Variants in DLGAP1 observed in about 807,000 individuals in gnomAD.
DLGAP1 encodes disks large-associated protein 1.
In DLGAP1, 11 loss-of-function variants were observed where a neutral mutation model predicts 90.8. The observed-to-expected ratio is 0.12, with a 90% CI of 0.08 to 0.20. DLGAP1 has a LOEUF of 0.20. Ranked by LOEUF, DLGAP1 falls within the 10% of genes least tolerant of loss-of-function variation. The pLI, the probability that DLGAP1 is intolerant of heterozygous loss-of-function variation, is 1.00. For missense variants in DLGAP1, 1,050 were observed against 1,333.8 expected (o/e 0.79, Z 3.31); for synonymous variants, 558 against 540.7 (o/e 1.03, Z -0.44).
At chr18:4,054,916 C>CCTAAATATGATT (rs2075190722) in intron 2 of DLGAP1, among the ~76,000 whole-genome samples, 1 of 152,090 alleles carries the variant, frequency 6.6e-6, no homozygotes, top group Non-Finnish European at 1.5e-5. Flanking sequence ...GAGGCAAGCA[C>CCTAAATATGATT]CAAAACTTTG....
chr18:3,656,003 C>T (rs1332199833), intron 7 of DLGAP1: 39 of 1,356,708 alleles, frequency 2.9e-5, no homozygotes, highest in Non-Finnish European at 3.3e-5. Flanking sequence ...AACACCACTG[C>T]CACAGAAGCT....
chr18:3,703,575 G>C (rs1237888464), intron 7 of DLGAP1, among the ~76,000 whole-genome samples: 3 of 152,156 alleles, frequency 2.0e-5, no homozygotes, highest in Admixed American at 2.0e-4. Context: ...TTGTCCACTT[G>C]TTTCTTTTTA....
chr18:3,948,949 T>C (rs1408840727), intron 3 of DLGAP1, among the ~76,000 whole-genome samples: 1 of 151,978 alleles, frequency 6.6e-6, no homozygotes, highest in Non-Finnish European at 1.5e-5. Flanking sequence ...TAAATAAAAA[T>C]ATGGACTAAG....
chr18:3,880,590 G>A (rs1225836959), intron 3 of DLGAP1, among the ~76,000 whole-genome samples: 1 of 152,096 alleles, frequency 6.6e-6, no homozygotes, highest in Non-Finnish European at 1.5e-5. Flanking sequence ...CACCTCTGTG[G>A]GGCAGGAAAG....
intron 2 of DLGAP1, among the ~76,000 whole-genome samples, chr18:4,058,282 A>G (rs993634855): frequency 6.6e-6 from 1 of 152,150 alleles, no homozygotes; most frequent in Admixed American, 6.5e-5. Flanking sequence ...ACTCCCTGTT[A>G]TTTGTGTGCC....
At chr18:3,873,292 C>G (rs1442524941) in intron 4 of DLGAP1, among the ~76,000 whole-genome samples, 1 of 152,070 alleles carries the variant, frequency 6.6e-6, no homozygotes, top group Non-Finnish European at 1.5e-5. Context: ...GCAATCTCAT[C>G]TTTTTATGAA....
intron 3 of DLGAP1, among the ~76,000 whole-genome samples, chr18:3,932,294 C>G (rs867517196): frequency 3.3e-5 from 5 of 152,294 alleles, no homozygotes; most frequent in Middle Eastern, 3.4e-3. Context: ...GACATCCCAC[C>G]TCCCACAGAT....
At chr18:4,100,027 C>T (rs1004104770) in intron 2 of DLGAP1, among the ~76,000 whole-genome samples, 8 of 152,054 alleles carry the variant, frequency 5.3e-5, no homozygotes, top group African/African-American at 1.9e-4. Flanking sequence ...TAATTTATTT[C>T]ACTTTTTGTA....
chr18:4,389,577 A>G (rs2082300417), intron 1 of DLGAP1, among the ~76,000 whole-genome samples: 2 of 152,184 alleles, frequency 1.3e-5, no homozygotes, highest in Non-Finnish European at 2.9e-5. Flanking sequence ...AAACAGATTG[A>G]CTGTAGAATG....
At chr18:4,063,964 C>T (rs2075336364) in intron 2 of DLGAP1, among the ~76,000 whole-genome samples, 1 of 152,024 alleles carries the variant, frequency 6.6e-6, no homozygotes, top group East Asian at 1.9e-4. Context: ...GGGCTGAGAG[C>T]CTATGGCCCC....
At chr18:3,792,237 T>G (rs1231200774) in intron 5 of DLGAP1, among the ~76,000 whole-genome samples, 1 of 152,112 alleles carries the variant, frequency 6.6e-6, no homozygotes, top group Non-Finnish European at 1.5e-5. Context: ...TCCCATCACT[T>G]TGGGAGGCTG....
chr18:4,080,748 T>G (rs1598364162), intron 2 of DLGAP1, among the ~76,000 whole-genome samples: 1 of 152,204 alleles, frequency 6.6e-6, no homozygotes, highest in Non-Finnish European at 1.5e-5. Context: ...TAACCCGATT[T>G]ACTACTATAG....
rs111687370 is a variant in DLGAP1, at chr18:3,499,573, G to GA, written c.2725-180dup. On this transcript the variant is annotated intron_variant, in intron 12 of 12. Coordinates refer to ENST00000315677, the MANE Select transcript of DLGAP1 (RefSeq NM_004746.4). This position sits in a 1 kb window ranked among gnomAD's most constrained non-coding sequence, Gnocchi z 6.4. ...CTGGCTTGGGCATTCAAAAGATGCA[G>GA]AAAAAAAAAAATCCCGGTAAGCTTA... 8.8e-4 allele frequency among the ~76,000 whole-genome samples: 131 copies of GA among 148,662 alleles called. No individual in the cohort carries two copies. Among genetic ancestry groups the GA allele is most frequent in the African/African-American group, 1.4e-3 (59 of 40,782 alleles).
At chr18:4,287,531 A>C (rs1216410247) in intron 1 of DLGAP1, among the ~76,000 whole-genome samples, 1 of 152,224 alleles carries the variant, frequency 6.6e-6, no homozygotes, top group Non-Finnish European at 1.5e-5. Context: ...GAATGAGTTC[A>C]TGTCCTTTGC....
In DLGAP1 at chr18:4,378,580, A is replaced by C. The variant is rs1377704863; in HGVS notation, c.-267+76426T>G. On this transcript the variant is annotated intron_variant, in intron 1 of 12. Coordinates refer to ENST00000315677, the MANE Select transcript of DLGAP1 (RefSeq NM_004746.4). This position sits in a 1 kb window ranked among gnomAD's most constrained non-coding sequence, Gnocchi z 4.5. ...ATTAAAACCAAAATCAACAAATAAA[A>C]TCAAGCTCTTAGAGTGCTTAAGAAT... Among the ~76,000 whole-genome samples, 1 of 152,100 alleles carries C rather than the reference A, an allele frequency of 6.6e-6. No homozygotes were observed. Among genetic ancestry groups the C allele is most frequent in the Non-Finnish European group, 1.5e-5 (1 of 68,002 alleles).
chr18:3,685,526 T>C (rs1291024163), intron 7 of DLGAP1, among the ~76,000 whole-genome samples: 4 of 129,978 alleles, frequency 3.1e-5, no homozygotes, highest in African/African-American at 6.2e-5. Flanking sequence ...ATTGCGCCAC[T>C]GCACTCCAGC....
intron 8 of DLGAP1, among the ~76,000 whole-genome samples, chr18:3,577,733 T>C (rs1291328035): frequency 6.6e-6 from 1 of 152,192 alleles, no homozygotes; most frequent in East Asian, 1.9e-4. Flanking sequence ...TTCTAAGCTT[T>C]AGTCATTGTA....
chr18:3,915,481 T>C (rs904922924), intron 3 of DLGAP1, among the ~76,000 whole-genome samples: 6 of 152,092 alleles, frequency 3.9e-5, no homozygotes, highest in African/African-American at 9.7e-5. Flanking sequence ...ATTGAGGAGA[T>C]TAAAAAGGAA....
rs1258936887 is a variant in DLGAP1 at position 3,729,195 on chromosome 18, G to A, written c.1531C>T (p.Leu511=). 22 of 1,613,682 alleles carry A rather than the reference G, an allele frequency of 1.4e-5. No individual in the cohort carries two copies. The highest frequency in any genetic ancestry group is 1.9e-5 in the Non-Finnish European group (22 of 1,179,922). Residue 511 remains leucine (L), a synonymous_variant, in exon 7 of 13, where the codon CTG becomes TTG. Coordinates refer to ENST00000315677, the MANE Select transcript of DLGAP1 (RefSeq NM_004746.4). The surrounding 1 kb of genome is among the most constrained non-coding windows in gnomAD (Gnocchi z 6.2). ...GTGCGCGGCGGCGAGGACGACCTCA[G>A]GGACACGCACTCGTCGTCCTGGGAG... ...GCSQDDECVS[L]RSSSPPRTTT...
Sources: gnomAD v4.1 joint callset for allele counts (sites outside exome capture counted in the v4.1 genomes callset) on GRCh38, gnomAD v4.1.1 for gene constraint, Gnocchi (gnomAD v3.1) non-coding constraint, MANE v1.5 for transcripts, NCBI Gene and HGNC (gene_info 2026-07-23, HGNC 2026-07-21) for gene names.